SEC14L1: variants seen among roughly 807,000 people sequenced by gnomAD.
The protein encoded by SEC14L1 is SEC14-like protein 1.
In SEC14L1, 48 loss-of-function variants were observed where a neutral mutation model predicts 85.3. That is an observed-to-expected ratio of 0.56 (90% CI 0.45 to 0.72). The LOEUF is 0.72. Among genes scored for constraint, SEC14L1 ranks in the 30% least tolerant of loss-of-function variants. SEC14L1 has a pLI of 0.00. For missense variants in SEC14L1, 682 were observed against 921.4 expected (o/e 0.74, Z 3.36); for synonymous variants, 391 against 355.5 (o/e 1.10, Z -1.12).
intron 9 of SEC14L1, among the ~76,000 whole-genome samples, chr17:77,202,324 TA>T (rs544122033): frequency 3.7e-4 from 55 of 149,214 alleles, no homozygotes; most frequent in Non-Finnish European, 6.3e-4. Flanking sequence ...TGTCTCTACT[TA>T]AAAAAAAAGG....
In SEC14L1 at chr17:77,214,490, C is replaced by G; in HGVS notation, c.*467C>G. 2.0e-6 allele frequency: 2 copies of G among 1,001,716 alleles called. No homozygotes were observed. Among genetic ancestry groups the G allele is most frequent in the Non-Finnish European group, 2.4e-6 (2 of 838,936 alleles). 62.1% of individuals were successfully genotyped at this position (1,001,716 alleles called of 1,614,324 possible). A position where few individuals can be genotyped will look rare whatever the true frequency, so the allele number is the denominator to read the frequency against. ...TGGCCCGCACGCCGCCTCACGGCCCCCATGCTTCCCGCCAGTCAAGATGGT... is the reference window on the plus strand; with the variant it reads ...TGGCCCGCACGCCGCCTCACGGCCCGCATGCTTCCCGCCAGTCAAGATGGT... On this transcript the variant is annotated 3_prime_UTR_variant, in exon 17 of 17. Transcript: ENST00000436233.
intron 3 of SEC14L1, among the ~76,000 whole-genome samples, chr17:77,165,848 A>T (rs1974258229): frequency 6.6e-6 from 1 of 152,144 alleles, no homozygotes; most frequent in South Asian, 2.1e-4. Context: ...CATGAGTGAG[A>T]TAATTATTTT....
At chr17:77,154,637 G>GT (rs56749767) in intron 3 of SEC14L1, among the ~76,000 whole-genome samples, 90,542 of 146,822 alleles carry the variant, frequency 0.62, 28,364 homozygotes, top group Middle Eastern at 0.74. Context: ...GGTTTTTTTT[G>GT]TTTTTTTTTG....
chr17:77,167,376 C>G (rs543986191), intron 3 of SEC14L1, among the ~76,000 whole-genome samples: 8 of 152,126 alleles, frequency 5.3e-5, no homozygotes, highest in African/African-American at 9.7e-5. Context: ...CTCAAGTGAT[C>G]CACCCACCTT....
chr17:77,178,031 C>T (rs1296233539), intron 3 of SEC14L1, among the ~76,000 whole-genome samples: 4 of 150,504 alleles, frequency 2.7e-5, no homozygotes, highest in South Asian at 2.1e-4. Flanking sequence ...CCTTTGTACT[C>T]GTGGCTTTTT....
intron 3 of SEC14L1, among the ~76,000 whole-genome samples, chr17:77,149,649 T>C (rs1359345925): frequency 6.6e-6 from 1 of 152,178 alleles, no homozygotes; most frequent in Non-Finnish European, 1.5e-5. Flanking sequence ...CAGTGAGCTA[T>C]GATCACACCA....
At chr17:77,143,756 G>A in intron 3 of SEC14L1, 97 bp downstream of exon 3, 1 of 868,590 alleles carries the variant, frequency 1.2e-6, no homozygotes, top group Non-Finnish European at 1.9e-6. Context: ...CGTCTCCATG[G>A]CATCACTTGA....
chr17:77,159,956 T>A (rs869692), intron 3 of SEC14L1, among the ~76,000 whole-genome samples: 5 of 152,188 alleles, frequency 3.3e-5, no homozygotes, highest in African/African-American at 1.2e-4. Flanking sequence ...CCCTACCCCC[T>A]GTTAAGTGTT....
At chr17:77,165,261 AGAAAGTTTATTTT>A (rs1281916490) in intron 3 of SEC14L1, among the ~76,000 whole-genome samples, 1 of 152,228 alleles carries the variant, frequency 6.6e-6, no homozygotes, top group Non-Finnish European at 1.5e-5. Context: ...TAGTTAATTT[AGAAAGTTTATTTT>A]GCCAGGATTG....
upstream of SEC14L1, among the ~76,000 whole-genome samples, chr17:77,137,861 T>C (rs140236140): frequency 2.2e-4 from 33 of 152,304 alleles, no homozygotes; most frequent in East Asian, 1.9e-3. Context: ...GGGTTCACCT[T>C]CCCTGCTGCC....
intron 10 of SEC14L1, among the ~76,000 whole-genome samples, chr17:77,204,903 C>T (rs1199623686): frequency 1.3e-5 from 2 of 152,212 alleles, no homozygotes; most frequent in Non-Finnish European, 2.9e-5. Flanking sequence ...GCTGCCTTTT[C>T]TCTTGGCGGG....
intron 9 of SEC14L1, 32 bp downstream of exon 9, chr17:77,200,705 C>G: frequency 1.3e-6 from 2 of 1,590,750 alleles, no homozygotes; most frequent in Non-Finnish European, 1.7e-6. Flanking sequence ...GTGTTTCCAT[C>G]GTTGTCTTGA....
chr17:77,206,229 C>T lies in SEC14L1; in HGVS notation c.1170C>T (p.Ser390=), dbSNP rs771497259. Residue 390 remains serine, a splice_region_variant and synonymous_variant, in exon 12 of 17, where the codon AGC becomes AGT. Transcript: ENST00000436233. The surrounding 1 kb of genome is among the most constrained non-coding windows in gnomAD (Gnocchi z 4.3). ...ENTKVFGRPI[S]SWTCLVDLEG... ...AAACACATCTCTGCACAACCTGCAG[C>T]TCATGGACCTGCCTGGTGGACTTGG... 3 of 1,613,708 alleles carry T rather than the reference C, an allele frequency of 1.9e-6. No individual in the cohort carries two copies. In the Admixed American group the frequency reaches 5.0e-5, roughly 27 times the overall value.
chr17:77,124,487 A>G (rs1017101774), intron 3 of SEC14L1, among the ~76,000 whole-genome samples: 28 of 152,340 alleles, frequency 1.8e-4, no homozygotes, highest in African/African-American at 6.3e-4. Context: ...TCACTGGGTC[A>G]CGGGAGGTAG....
intron 3 of SEC14L1, among the ~76,000 whole-genome samples, chr17:77,125,616 G>A (rs1972426683): frequency 6.6e-6 from 1 of 152,178 alleles, no homozygotes; most frequent in Non-Finnish European, 1.5e-5. Context: ...GGGACCATAT[G>A]GAAATATTTT....
rs150428508 is a variant in SEC14L1 at position 77,211,303 on chromosome 17, G to T, written c.1612-647G>T. 1,324 of 152,908 alleles carry T rather than the reference G, an allele frequency of 8.7e-3. 21 individuals carry two copies. The highest frequency in any genetic ancestry group is 0.01 in the Middle Eastern group (3 of 296). 9.5% of individuals were successfully genotyped at this position (152,908 alleles called of 1,614,324 possible). A position where few individuals can be genotyped will look rare whatever the true frequency, so the allele number is the denominator to read the frequency against. ...ACAGCTGCTTTTCATTCTCACGTCCGCCCCCGCCCAATCTTTGAAACTAAC... is the reference window on the plus strand; with the variant it reads ...ACAGCTGCTTTTCATTCTCACGTCCTCCCCCGCCCAATCTTTGAAACTAAC... On this transcript the variant is annotated intron_variant, in intron 14 of 16. Transcript: ENST00000436233.
chr17:77,194,711 TAGA>T lies in SEC14L1; in HGVS notation c.518_520del (p.Glu173del), dbSNP rs745319843. 1.2e-6 allele frequency: 2 copies of T among 1,614,090 alleles called. No homozygotes were observed. The highest frequency in any genetic ancestry group is 2.2e-5 in the East Asian group (1 of 44,902). On this transcript the variant is annotated inframe_deletion, in exon 7 of 17. Transcript: ENST00000436233. ...ATCATCGAATACTACCTTCGCCAAT[TAGA>T]AGAAGAAGGCATAACCTTTGTGCCC...
At chr17:77,205,492 A>T in intron 11 of SEC14L1, 146 bp downstream of exon 11, 1 of 739,362 alleles carries the variant, frequency 1.4e-6, no homozygotes, top group Admixed American at 2.3e-5. Flanking sequence ...TATGCCAGTG[A>T]CGAGGGACAG....
rs145752306 is a variant in SEC14L1 at position 77,186,195 on chromosome 17, G to A, written c.64-4608G>A. 2.0e-3 allele frequency among the ~76,000 whole-genome samples: 308 copies of A among 152,166 alleles called. 4 individuals carry two copies. Among genetic ancestry groups the A allele is most frequent in the African/African-American group, 7.1e-3 (296 of 41,534 alleles). ...AGGCCAGGGCCTTCTGTCTGCACCC[G>A]GCAAGGCATGGTCTATGCCACATCG... On this transcript the variant is annotated intron_variant, in intron 3 of 16. Transcript: ENST00000436233.
Sources: gnomAD v4.1 joint callset for allele counts (sites outside exome capture counted in the v4.1 genomes callset) on GRCh38, gnomAD v4.1.1 for gene constraint, Gnocchi (gnomAD v3.1) non-coding constraint, MANE v1.5 for transcripts, NCBI Gene and HGNC (gene_info 2026-07-23, HGNC 2026-07-21) for gene names.